USP53: variants seen among roughly 807,000 people sequenced by gnomAD.
USP53 encodes ubiquitin specific peptidase 53, also known as ubiquitin carboxyl-terminal hydrolase 53.
Under a neutral mutation model 94.9 loss-of-function variants are expected in USP53, and 71 were observed. The ratio of observed to expected loss-of-function variants is 0.75; its 90% confidence interval spans 0.62 to 0.91. USP53 has a LOEUF of 0.91. Among genes scored for constraint, USP53 ranks in the 40% least tolerant of loss-of-function variants. The pLI is 0.00. For missense variants in USP53, 1,173 were observed against 1,281.0 expected (o/e 0.92, Z 1.29); for synonymous variants, 375 against 422.7 (o/e 0.89, Z 1.39).
rs1754944196 is a variant in USP53, at chr4:119,293,046, A to G, written c.3057A>G (p.Gln1019=). ...CAGGTGCCATTGATGCATTTTGCCA[A>G]CCAGAACTAGACTCTATTTCTACCT... ...ANSGAIDAFC[Q]PELDSISTCP... is the part of the protein sequence containing the mutation. Residue 1019 remains glutamine, a synonymous_variant, in exon 19 of 19, where the codon CAA becomes CAG. Coordinates refer to ENST00000692078, the MANE Select transcript of USP53 (RefSeq NM_001371395.1). 2 of 1,614,104 alleles carry G rather than the reference A, an allele frequency of 1.2e-6. No homozygotes were observed. The highest frequency in any genetic ancestry group is 1.7e-6 in the Non-Finnish European group (2 of 1,179,960).
intron 6 of USP53, among the ~76,000 whole-genome samples, chr4:119,247,837 G>A (rs113461908): frequency 3.2e-4 from 49 of 152,050 alleles, no homozygotes; most frequent in Admixed American, 1.2e-3. Context: ...CTACTATAAT[G>A]GCTAAAATAA....
chr4:119,221,769 A>C (rs567941402), intron 3 of USP53, among the ~76,000 whole-genome samples: 1 of 152,318 alleles, frequency 6.6e-6, no homozygotes, highest in South Asian at 2.1e-4. Flanking sequence ...TGATTGGCCG[A>C]AATGGGCCAG....
chr4:119,239,622 T>C lies in USP53; in HGVS notation c.-138T>C. ...TAAGAGTTTATAACATCAGGAAAGA[T>C]ATGGACTTGGAAACTTACATTATTA... On this transcript the variant is annotated 5_prime_UTR_variant, in exon 5 of 19. Transcript: ENST00000692078. 1.0e-6 allele frequency: 1 copy of C among 1,003,106 alleles called. No individual in the cohort carries two copies. The highest frequency in any genetic ancestry group is 3.1e-5 in the Admixed American group (1 of 32,466). The allele number at this position is 1,003,106 out of a possible 1,614,324, so 62.1% of individuals were successfully genotyped here. A position where few individuals can be genotyped will look rare whatever the true frequency, so the allele number is the denominator to read the frequency against.
At chr4:119,222,209 G>A (rs1744631771) in intron 3 of USP53, among the ~76,000 whole-genome samples, 1 of 151,646 alleles carries the variant, frequency 6.6e-6, no homozygotes, top group East Asian at 1.9e-4. Context: ...ATCTTTATGG[G>A]GTACATGTGA....
intron 9 of USP53, among the ~76,000 whole-genome samples, chr4:119,257,330 C>T (rs1749908279): frequency 6.6e-6 from 1 of 152,076 alleles, no homozygotes; most frequent in South Asian, 2.1e-4. Flanking sequence ...AATCCCAGCT[C>T]TTCCGGAGGC....
intron 7 of USP53, among the ~76,000 whole-genome samples, chr4:119,251,980 A>G (rs1749069372): frequency 6.6e-6 from 1 of 152,190 alleles, no homozygotes; most frequent in African/African-American, 2.4e-5. Flanking sequence ...TTCTGTATCT[A>G]TTGAAATAAT....
At chr4:119,275,601 G>A (rs1005604478) in intron 17 of USP53, among the ~76,000 whole-genome samples, 313 of 151,504 alleles carry the variant, frequency 2.1e-3, no homozygotes, top group African/African-American at 7.3e-3. Flanking sequence ...GGTTCCATAT[G>A]AACTTTCAAG....
chr4:119,268,157 G>C (rs1447104888), intron 13 of USP53, 111 bp from the exon 14 acceptor site: 1 of 1,078,882 alleles, frequency 9.3e-7, no homozygotes, highest in Non-Finnish European at 1.3e-6. Context: ...CTGGGCGACA[G>C]AGCGAGACTC....
At position 119,292,915 on chromosome 4, in the gene USP53, CAT is replaced by C. The variant is rs1271458206; in HGVS notation, c.2929_2930del (p.Met977GlufsTer2). On this transcript the variant is annotated frameshift_variant, in exon 19 of 19. Coordinates refer to ENST00000692078, the MANE Select transcript of USP53 (RefSeq NM_001371395.1). LOFTEE classifies it low-confidence loss of function (END_TRUNC). The part of the protein sequence containing the change: ...ASEPSLEVST[H>X]MNDERHKETF... ...AGAACCAAGTTTAGAAGTGAGTACA[CAT>C]ATGAATGATGAAAGACATAAAGAAA... 6.2e-7 allele frequency: 1 copy of C among 1,614,042 alleles called. No homozygotes were observed.
Position 119,292,938 on chromosome 4 carries a change from A to G in USP53, c.2949A>G (p.Lys983=). Residue 983 remains lysine, a synonymous_variant, in exon 19 of 19, where the codon AAA becomes AAG. Transcript: ENST00000692078. ...VSTHMNDERH[K]ETFQVRECFG... Reference sequence around the variant, plus strand: ...CACATATGAATGATGAAAGACATAAAGAAACATTTCAAGTGAGAGAATGTT... The same window carrying G: ...CACATATGAATGATGAAAGACATAAGGAAACATTTCAAGTGAGAGAATGTT... 1.2e-6 allele frequency: 2 copies of G among 1,614,078 alleles called. No homozygotes were observed. The highest frequency in any genetic ancestry group is 1.7e-6 in the Non-Finnish European group (2 of 1,179,934).
chr4:119,213,660 A>ATATATATATGTGTG, intron 1 of USP53, among the ~76,000 whole-genome samples: 5 of 117,786 alleles, frequency 4.2e-5, no homozygotes, highest in Admixed American at 8.7e-5. Flanking sequence ...ATATATATAT[A>ATATATATATGTGTG]TGTGTGTGTG....
intron 17 of USP53, among the ~76,000 whole-genome samples, chr4:119,279,973 C>T (rs1753296681): frequency 6.6e-6 from 1 of 152,200 alleles, no homozygotes; most frequent in Non-Finnish European, 1.5e-5. Context: ...ACACGGTGCG[C>T]ACACCCACTG....
intron 7 of USP53, among the ~76,000 whole-genome samples, chr4:119,255,882 AT>A (rs1004091327): frequency 1.2e-4 from 18 of 152,054 alleles, no homozygotes; most frequent in African/African-American, 4.3e-4. Context: ...GCCATCCAGG[AT>A]TTTTTTTAAA....
intron 17 of USP53, among the ~76,000 whole-genome samples, chr4:119,288,153 A>T (rs1340584402): frequency 6.6e-6 from 1 of 151,234 alleles, no homozygotes; most frequent in Non-Finnish European, 1.5e-5. Context: ...GTCTATCAAC[A>T]TTTGCTAGAT....
chr4:119,279,593 G>T (rs1403561096), intron 17 of USP53, among the ~76,000 whole-genome samples: 1 of 151,530 alleles, frequency 6.6e-6, no homozygotes, highest in Non-Finnish European at 1.5e-5. Context: ...AGCCTACAGA[G>T]GCAGGCAGGC....
At chr4:119,255,971 C>T (rs1749714203) in intron 7 of USP53, among the ~76,000 whole-genome samples, 1 of 152,098 alleles carries the variant, frequency 6.6e-6, no homozygotes, top group South Asian at 2.1e-4. Context: ...AGATGTCAGT[C>T]ACCATGGGTT....
Position 119,293,572 on chromosome 4 carries a change from A to C in USP53, c.*361A>C. 1 of 170,316 alleles carries C rather than the reference A, an allele frequency of 5.9e-6. No individual in the cohort carries two copies. Among genetic ancestry groups the C allele is most frequent in the South Asian group, 1.7e-4 (1 of 5,820 alleles). 10.6% of individuals were successfully genotyped at this position (170,316 alleles called of 1,614,324 possible). A position where few individuals can be genotyped will look rare whatever the true frequency, so the allele number is the denominator to read the frequency against. Reference sequence around the variant, plus strand: ...TATAATAATTCATTTGTCATATGCTACAGTTGAATAAAAATTAAATTTGTC... The same window carrying C: ...TATAATAATTCATTTGTCATATGCTCCAGTTGAATAAAAATTAAATTTGTC... On this transcript the variant is annotated 3_prime_UTR_variant, in exon 19 of 19. Coordinates refer to ENST00000692078, the MANE Select transcript of USP53 (RefSeq NM_001371395.1).
At chr4:119,250,100 TC>T in intron 7 of USP53, among the ~76,000 whole-genome samples, 1 of 152,326 alleles carries the variant, frequency 6.6e-6, no homozygotes, top group African/African-American at 2.4e-5. Context: ...AACTCCACCT[TC>T]CCTCAGTGCT....
At chr4:119,260,271 T>C (rs936152687) in intron 10 of USP53, among the ~76,000 whole-genome samples, 3 of 152,164 alleles carry the variant, frequency 2.0e-5, no homozygotes, top group Admixed American at 6.5e-5. Context: ...TTTCTGCTTT[T>C]TTTTAGGTTG....
Sources: gnomAD v4.1 joint callset for allele counts (sites outside exome capture counted in the v4.1 genomes callset) on GRCh38, gnomAD v4.1.1 for gene constraint, MANE v1.5 for transcripts, NCBI Gene and HGNC (gene_info 2026-07-23, HGNC 2026-07-21) for gene names.